PACRG: variants seen among roughly 807,000 people sequenced by gnomAD.
PACRG encodes the protein parkin coregulated, also known as parkin coregulated gene protein.
PACRG carries 29 observed loss-of-function variants against 29.7 expected under a neutral mutation model. The observed-to-expected ratio is 0.98, with a 90% CI of 0.73 to 1.33. The LOEUF is 1.33. PACRG is among the 40% of genes most tolerant of loss of function. PACRG has a pLI of 0.00. For missense variants in PACRG, 279 were observed against 316.2 expected (o/e 0.88, Z 0.89); for synonymous variants, 116 against 118.7 (o/e 0.98, Z 0.15).
At chr6:162,733,099 T>C (rs1779898983) in intron 1 of PACRG, among the ~76,000 whole-genome samples, 1 of 152,256 alleles carries the variant, frequency 6.6e-6, no homozygotes, top group African/African-American at 2.4e-5. Flanking sequence ...TCACAGACTA[T>C]GTGCAAAGCA....
At chr6:162,935,661 T>A (rs1562752217) in intron 2 of PACRG, among the ~76,000 whole-genome samples, 2 of 152,150 alleles carry the variant, frequency 1.3e-5, no homozygotes, top group Non-Finnish European at 2.9e-5. Flanking sequence ...TATTTTGGAT[T>A]TCTTTTCAGG....
intron 2 of PACRG, among the ~76,000 whole-genome samples, chr6:162,890,131 C>T (rs557865482): frequency 1.5e-4 from 23 of 152,320 alleles, no homozygotes; most frequent in Non-Finnish European, 2.8e-4. Flanking sequence ...CATCAATTGC[C>T]ATTTGTTATT....
intron 2 of PACRG, among the ~76,000 whole-genome samples, chr6:163,009,773 C>G (rs1471916885): frequency 6.6e-6 from 1 of 152,200 alleles, no homozygotes; most frequent in Non-Finnish European, 1.5e-5. Context: ...AAATCTTACA[C>G]TTCTGAAGCT....
intron 2 of PACRG, among the ~76,000 whole-genome samples, chr6:162,875,550 ACT>A (rs1426957465): frequency 1.3e-5 from 2 of 152,140 alleles, no homozygotes; most frequent in Non-Finnish European, 2.9e-5. Flanking sequence ...CATTTTAAAA[ACT>A]CTTAGCCAAA....
chr6:163,091,515 T>C (rs144142205), intron 4 of PACRG, among the ~76,000 whole-genome samples: 10 of 152,350 alleles, frequency 6.6e-5, no homozygotes, highest in African/African-American at 2.2e-4. Context: ...ATTCTACATT[T>C]AAATTATTTT....
intron 1 of PACRG, among the ~76,000 whole-genome samples, chr6:162,741,488 A>G (rs1432720122): frequency 4.6e-5 from 7 of 152,066 alleles, no homozygotes; most frequent in Non-Finnish European, 8.8e-5. Flanking sequence ...GCTTTCCTCC[A>G]TACATGTTTG....
Position 163,089,242 on chromosome 6 carries a change from C to T in PACRG, c.464-17C>T. The T allele has an allele frequency of 6.2e-7, 1 of 1,606,140 alleles. No homozygotes were observed. Among genetic ancestry groups the T allele is most frequent in the East Asian group, 2.2e-5 (1 of 44,762 alleles). ...CTATTAAAATATTTTCTGCTTGGTC[C>T]TTCTTTTACCATATAGATGCCTTGA... On this transcript the variant is annotated splice_polypyrimidine_tract_variant and intron_variant, in intron 3 of 4. Coordinates refer to ENST00000366888, the MANE Select transcript of PACRG (RefSeq NM_001080379.2).
chr6:162,892,252 C>T (rs182508684), intron 2 of PACRG, among the ~76,000 whole-genome samples: 1 of 152,286 alleles, frequency 6.6e-6, no homozygotes, highest in East Asian at 1.9e-4. Flanking sequence ...CATGCCATTG[C>T]CATCCACAGG....
chr6:163,095,426 T>TC (rs1814484929), intron 4 of PACRG: 1 of 985,026 alleles, frequency 1.0e-6, no homozygotes, highest in Admixed American at 6.1e-5. Flanking sequence ...AATCCAGCTC[T>TC]GAAGGCTGTG....
intron 4 of PACRG, among the ~76,000 whole-genome samples, chr6:163,199,142 C>T (rs943233942): frequency 5.3e-5 from 8 of 152,168 alleles, no homozygotes; most frequent in African/African-American, 1.9e-4. Flanking sequence ...TTTGGGGGCC[C>T]CAAGATTTAT....
intron 2 of PACRG, among the ~76,000 whole-genome samples, chr6:162,966,730 CCTCCCAAAG>C (rs1453573760): frequency 1.3e-5 from 2 of 152,130 alleles, no homozygotes; most frequent in Non-Finnish European, 2.9e-5. Context: ...CCCACCTCCC[CCTCCCAAAG>C]TGCTGGGATT....
At chr6:162,817,992 C>A (rs1489852783) in intron 2 of PACRG, among the ~76,000 whole-genome samples, 1 of 151,964 alleles carries the variant, frequency 6.6e-6, no homozygotes, top group Admixed American at 6.6e-5. Context: ...AATATGAAAT[C>A]TACCGGCAAG....
At chr6:162,762,753 A>G (rs988672338) in intron 1 of PACRG, among the ~76,000 whole-genome samples, 4 of 152,222 alleles carry the variant, frequency 2.6e-5, no homozygotes, top group African/African-American at 9.6e-5. Context: ...TCAATTTTAC[A>G]TATAGAACAC....
At chr6:163,037,254 C>A (rs1367543805) in intron 2 of PACRG, among the ~76,000 whole-genome samples, 2 of 152,228 alleles carry the variant, frequency 1.3e-5, no homozygotes, top group Non-Finnish European at 2.9e-5. Context: ...CCCCAGTTGA[C>A]ATCACCTGGG....
chr6:163,011,791 T>A (rs1805642798), intron 2 of PACRG, among the ~76,000 whole-genome samples: 2 of 152,238 alleles, frequency 1.3e-5, no homozygotes, highest in African/African-American at 4.8e-5. Flanking sequence ...TCTTTATTTT[T>A]AAAATATTTT....
intron 2 of PACRG, among the ~76,000 whole-genome samples, chr6:162,995,041 G>C (rs1274550832): frequency 6.6e-6 from 1 of 151,292 alleles, no homozygotes; most frequent in Non-Finnish European, 1.5e-5. Context: ...GTGCCTCCCA[G>C]TTAGGCTGCT....
chr6:163,309,599 A>G (rs1785329357), intron 4 of PACRG, among the ~76,000 whole-genome samples: 1 of 152,218 alleles, frequency 6.6e-6, no homozygotes, highest in Admixed American at 6.5e-5. Context: ...TTTTATCATC[A>G]TCTCAGTCAC....
intron 4 of PACRG, among the ~76,000 whole-genome samples, chr6:163,210,065 A>C (rs1781071282): frequency 6.6e-6 from 1 of 152,150 alleles, no homozygotes; most frequent in African/African-American, 2.4e-5. Context: ...CTCCATGAGG[A>C]CCATTGTCAC....
intron 2 of PACRG, among the ~76,000 whole-genome samples, chr6:162,987,642 C>T (rs923046863): frequency 2.0e-5 from 3 of 152,166 alleles, no homozygotes; most frequent in African/African-American, 7.2e-5. Context: ...CTTCCTCAGC[C>T]AGGCGGAACT....
Sources: gnomAD v4.1 joint callset for allele counts (sites outside exome capture counted in the v4.1 genomes callset) on GRCh38, gnomAD v4.1.1 for gene constraint, MANE v1.5 for transcripts, NCBI Gene and HGNC (gene_info 2026-07-23, HGNC 2026-07-21) for gene names.